The following ZNF536 variants were observed in gnomAD, a reference collection of about 807,000 sequenced individuals.
The protein encoded by ZNF536 is zinc finger protein 536.
ZNF536 carries 13 observed loss-of-function variants against 84.5 expected under a neutral mutation model. The observed-to-expected ratio is 0.15, with a 90% CI of 0.10 to 0.24. The LOEUF (loss-of-function observed/expected upper bound fraction) is 0.24. ZNF536 is among the 10% of genes least tolerant of loss of function. ZNF536 has a pLI of 1.00. For missense variants in ZNF536, 1,536 were observed against 1,747.5 expected (o/e 0.88, Z 2.16); for synonymous variants, 811 against 742.5 (o/e 1.09, Z -1.50).
chr19:30,633,852 G>A (rs1009229296), intron 1 of ZNF536, among the ~76,000 whole-genome samples: 1 of 152,036 alleles, frequency 6.6e-6, no homozygotes, highest in Non-Finnish European at 1.5e-5. Flanking sequence ...GGGGTTACAG[G>A]CATGAGCCAT....
intron 1 of ZNF536, among the ~76,000 whole-genome samples, chr19:30,251,505 A>G (rs140385506): frequency 2.0e-5 from 3 of 152,126 alleles, no homozygotes; most frequent in Non-Finnish European, 4.4e-5. Context: ...CAGCCTCCTT[A>G]ATATGTTGCT....
At chr19:30,673,752 A>C (rs1014620821) in intron 1 of ZNF536, among the ~76,000 whole-genome samples, 1 of 152,242 alleles carries the variant, frequency 6.6e-6, no homozygotes, top group Admixed American at 6.5e-5. Context: ...GCACGGACGC[A>C]CGTCCCGATG....
chr19:30,446,812 AAACAACAACAAC>A (rs141206450), intron 2 of ZNF536, among the ~76,000 whole-genome samples: 16 of 87,640 alleles, frequency 1.8e-4, no homozygotes, highest in African/African-American at 4.8e-4. Flanking sequence ...AAAAAAACCA[AAACAACAACAAC>A]AACAACAACA....
chr19:30,269,916 GTTTAT>G (rs2025732776), intron 1 of ZNF536, among the ~76,000 whole-genome samples: 1 of 152,156 alleles, frequency 6.6e-6, no homozygotes, highest in South Asian at 2.1e-4. Context: ...GGACGGCACT[GTTTAT>G]TTTTCCACAG....
At chr19:30,244,861 T>TA (rs1217401475) in intron 1 of ZNF536, among the ~76,000 whole-genome samples, 3 of 152,210 alleles carry the variant, frequency 2.0e-5, no homozygotes, top group Non-Finnish European at 4.4e-5. Context: ...AGCTGTTTCT[T>TA]ACCTTTAGGA....
chr19:30,688,466 C>G (rs2051283809), intron 1 of ZNF536, among the ~76,000 whole-genome samples: 1 of 152,128 alleles, frequency 6.6e-6, no homozygotes, highest in Non-Finnish European at 1.5e-5. Flanking sequence ...GCATCACTCA[C>G]TTAGTTATCT....
intron 1 of ZNF536, among the ~76,000 whole-genome samples, chr19:30,707,846 C>T (rs1029476554): frequency 6.6e-6 from 1 of 151,746 alleles, no homozygotes; most frequent in Admixed American, 6.6e-5. Flanking sequence ...CCCATCTCTA[C>T]TAAAAATACA....
At chr19:30,628,450 A>T (rs577341874) in intron 1 of ZNF536, among the ~76,000 whole-genome samples, 1 of 140,840 alleles carries the variant, frequency 7.1e-6, no homozygotes, top group Admixed American at 7.1e-5. Flanking sequence ...TTTTTTTGAG[A>T]CAGAGTCTCG....
At chr19:30,307,213 A>T (rs1252423921) in intron 2 of ZNF536, among the ~76,000 whole-genome samples, 1 of 152,010 alleles carries the variant, frequency 6.6e-6, no homozygotes, top group Non-Finnish European at 1.5e-5. Context: ...ACTTTGAAAA[A>T]ACACTTGATG....
chr19:30,654,124 A>G (rs1345818033), intron 1 of ZNF536, among the ~76,000 whole-genome samples: 1 of 152,116 alleles, frequency 6.6e-6, no homozygotes, highest in Non-Finnish European at 1.5e-5. Flanking sequence ...GCTCCTTTGA[A>G]ACAAGCGGGC....
At chr19:30,308,680 G>T (rs1433516684) in intron 2 of ZNF536, among the ~76,000 whole-genome samples, 2 of 152,106 alleles carry the variant, frequency 1.3e-5, no homozygotes, top group East Asian at 3.9e-4. Flanking sequence ...GTTCTCTAAG[G>T]CTCCAAGTTC....
intron 2 of ZNF536, among the ~76,000 whole-genome samples, chr19:30,315,392 T>C (rs2046645308): frequency 1.3e-5 from 2 of 151,842 alleles, no homozygotes; most frequent in African/African-American, 4.8e-5. Context: ...CCTGGAAAAT[T>C]GAGTCAGAGT....
intron 1 of ZNF536, among the ~76,000 whole-genome samples, chr19:30,631,291 G>A (rs1260952023): frequency 2.6e-5 from 4 of 152,210 alleles, no homozygotes; most frequent in African/African-American, 9.6e-5. Context: ...ACGCAGCCAG[G>A]CTGCCCCTCT....
intron 1 of ZNF536, among the ~76,000 whole-genome samples, chr19:30,569,771 C>G (rs2046479240): frequency 6.6e-6 from 1 of 151,798 alleles, no homozygotes. Flanking sequence ...GGGGTTTCAC[C>G]ATGTTGGCCA....
At chr19:30,551,410 C>T (rs2045778626) in intron 4 of ZNF536, among the ~76,000 whole-genome samples, 1 of 152,142 alleles carries the variant, frequency 6.6e-6, no homozygotes. Context: ...TCTTGAGAGC[C>T]TTTTATCTCT....
In ZNF536 at chr19:30,548,906, G is replaced by C. The variant is rs140355821; in HGVS notation, c.3287G>C (p.Trp1096Ser). ...CTGGGAGAGCAGAAGAGCGGTGCAT[G>C]GACCGGCCACGTGGACCCTGCATTT... ...ETLGEQKSGA[W>S]TGHVDPAFCN... The change falls in exon 4 of 5, where the codon TGG becomes TCG. Residue 1096 changes from tryptophan to serine, a missense_variant. Physicochemically the swap from Trp to Ser is radical, Grantham distance 177. Around this residue, in one of 8 missense-constraint regions of ZNF536, gnomAD observed 624 missense variants for 603.1 expected, o/e 1.03. Transcript: ENST00000355537. 7.9e-5 allele frequency: 127 copies of C among 1,614,154 alleles called. No homozygotes were observed. Among genetic ancestry groups the C allele is most frequent in the Non-Finnish European group, 1.0e-4 (120 of 1,180,034 alleles).
rs370074699 is a variant in ZNF536, at chr19:30,670,541, C to T, written c.170-40216C>T. Among the ~76,000 whole-genome samples the T allele has an allele frequency of 1.6e-4, 25 of 152,330 alleles. No individual in the cohort carries two copies. In the South Asian group the frequency reaches 5.2e-3, roughly 32 times the overall value. Reference sequence around the variant, plus strand: ...ATAGTCCTTGTCATCGTTGTCTTCTCGGCCTTGCCAGGTTGGACACTGAGC... The same window carrying T: ...ATAGTCCTTGTCATCGTTGTCTTCTTGGCCTTGCCAGGTTGGACACTGAGC... On this transcript the variant is annotated intron_variant, in intron 1 of 1. Transcript: ENST00000592773.
chr19:30,632,052 G>T (rs142193245), intron 1 of ZNF536, among the ~76,000 whole-genome samples: 2 of 152,172 alleles, frequency 1.3e-5, no homozygotes, highest in South Asian at 4.1e-4. Flanking sequence ...TACATTTAGC[G>T]TTCTTCTCCT....
chr19:30,596,113 T>C (rs1285533340), intron 1 of ZNF536, among the ~76,000 whole-genome samples: 3 of 152,286 alleles, frequency 2.0e-5, no homozygotes, highest in Admixed American at 1.3e-4. Context: ...TGTTCTTTCT[T>C]CTTATAGACC....
Sources: allele counts gnomAD v4.1 joint callset (sites outside exome capture counted in the v4.1 genomes callset), GRCh38; gene constraint gnomAD v4.1.1; regional missense constraint gnomAD v4.1.1; transcripts MANE v1.5; gene names NCBI Gene and HGNC (gene_info 2026-07-23, HGNC 2026-07-21).